The following PLEKHA2 variants were observed in gnomAD, a reference collection of about 807,000 sequenced individuals.
PLEKHA2 encodes the protein pleckstrin homology domain-containing family A member 2.
A neutral mutation model predicts 53.2 loss-of-function variants in PLEKHA2; 28 were observed. That is an observed-to-expected ratio of 0.53 (90% CI 0.39 to 0.72). The LOEUF is 0.72. Ranked by LOEUF, PLEKHA2 falls within the 30% of genes least tolerant of loss-of-function variation. The pLI, the probability that PLEKHA2 is intolerant of heterozygous loss-of-function variation, is 0.00. For synonymous variants in PLEKHA2, 193 were observed against 196.4 expected (o/e 0.98, Z 0.14); for missense variants, 426 against 537.9 (o/e 0.79, Z 2.06).
At chr8:38,964,151 C>T (rs1369730026) in intron 10 of PLEKHA2, among the ~76,000 whole-genome samples, 3 of 152,082 alleles carry the variant, frequency 2.0e-5, no homozygotes, top group Non-Finnish European at 4.4e-5. Context: ...CTGAGGGTTC[C>T]TAAATATTCC....
intron 3 of PLEKHA2, among the ~76,000 whole-genome samples, chr8:38,938,588 G>C (rs540466336): frequency 6.6e-6 from 1 of 152,244 alleles, no homozygotes. Flanking sequence ...ATAAGCGCAA[G>C]TTCCTGAGAG....
chr8:38,919,128 G>T (rs1025810576), intron 2 of PLEKHA2, among the ~76,000 whole-genome samples: 52 of 152,312 alleles, frequency 3.4e-4, no homozygotes, highest in African/African-American at 1.0e-3. Context: ...TGGATTGGAG[G>T]TGCCCTTGGA....
intron 1 of PLEKHA2, among the ~76,000 whole-genome samples, chr8:38,912,006 G>C (rs957494348): frequency 6.6e-6 from 1 of 150,848 alleles, no homozygotes; most frequent in African/African-American, 2.4e-5. Flanking sequence ...TGAAATTTAA[G>C]GTAAGTGATT....
intron 3 of PLEKHA2, among the ~76,000 whole-genome samples, chr8:38,938,386 T>G (rs574629461): frequency 6.6e-6 from 1 of 152,292 alleles, no homozygotes; most frequent in South Asian, 2.1e-4. Flanking sequence ...TGATGCCACC[T>G]TGTGGGGCAA....
chr8:38,928,948 G>T (rs547039170), intron 2 of PLEKHA2, among the ~76,000 whole-genome samples: 103 of 152,274 alleles, frequency 6.8e-4, no homozygotes, highest in Admixed American at 1.4e-3. Context: ...CCCCTGCTTT[G>T]GTTGCTCATG....
At chr8:38,919,728 G>A (rs1416445258) in intron 2 of PLEKHA2, among the ~76,000 whole-genome samples, 2 of 152,222 alleles carry the variant, frequency 1.3e-5, no homozygotes, top group Non-Finnish European at 2.9e-5. Flanking sequence ...CAGAAAGTCA[G>A]CTGCTGCTAA....
intron 1 of PLEKHA2, among the ~76,000 whole-genome samples, chr8:38,915,344 A>G (rs1476728857): frequency 6.6e-6 from 1 of 152,274 alleles, no homozygotes; most frequent in East Asian, 1.9e-4. Context: ...TGGATCGCTT[A>G]AACGGCAGAA....
Position 38,918,108 on chromosome 8 carries a change from G to T in PLEKHA2, c.141+38G>T, listed in dbSNP as rs545528719. 3.6e-5 allele frequency: 57 copies of T among 1,595,230 alleles called. No individual in the cohort carries two copies. In the South Asian group the frequency reaches 6.3e-4, roughly 18 times the overall value. On this transcript the variant is annotated intron_variant, in intron 2 of 11. Transcript: ENST00000617275. ...GTGGGAAGGGGTGGGGCGACTGGGT[G>T]CCCATCACTGCGCCAGAGGAATGCA...
chr8:38,918,819 A>G (rs1235339355), intron 2 of PLEKHA2, among the ~76,000 whole-genome samples: 2 of 152,260 alleles, frequency 1.3e-5, no homozygotes, highest in African/African-American at 4.8e-5. Context: ...CCATCCACAC[A>G]CACACAGAAA....
At chr8:38,968,567 G>A in intron 10 of PLEKHA2, 25 bp from the exon 11 acceptor site, 1 of 1,612,454 alleles carries the variant, frequency 6.2e-7, no homozygotes, top group South Asian at 1.1e-5. Flanking sequence ...AAAATTTCTT[G>A]GTAAGAGCCA....
At chr8:38,909,979 T>C (rs1427120118) in intron 1 of PLEKHA2, among the ~76,000 whole-genome samples, 21 of 148,068 alleles carry the variant, frequency 1.4e-4, no homozygotes, top group Non-Finnish European at 2.7e-4. Context: ...TTTTTTGAGA[T>C]GGAGTCTCAC....
chr8:38,951,651 A>G (rs2129422351), intron 6 of PLEKHA2, among the ~76,000 whole-genome samples: 1 of 151,636 alleles, frequency 6.6e-6, no homozygotes, highest in African/African-American at 2.4e-5. Context: ...GGCATGTGCC[A>G]CCACGCCTGG....
chr8:38,902,104 G>C (rs914006678), intron 1 of PLEKHA2: 2 of 152,168 alleles, frequency 1.3e-5, no homozygotes, highest in Middle Eastern at 3.4e-3. Flanking sequence ...CTCGAGGGGA[G>C]CTGTCGTTCT....
chr8:38,943,516 C>G (rs1834650300), intron 3 of PLEKHA2, among the ~76,000 whole-genome samples: 1 of 151,868 alleles, frequency 6.6e-6, no homozygotes, highest in Non-Finnish European at 1.5e-5. Context: ...AAACATAAGT[C>G]TTTTTGTAAA....
chr8:38,952,044 C>A, intron 6 of PLEKHA2, 122 bp from the exon 7 acceptor site: 3 of 1,269,742 alleles, frequency 2.4e-6, no homozygotes, highest in Non-Finnish European at 3.3e-6. Flanking sequence ...GCCACTGTGC[C>A]CACCATTTAT....
At chr8:38,926,172 T>G (rs1426204711) in intron 2 of PLEKHA2, among the ~76,000 whole-genome samples, 1 of 152,188 alleles carries the variant, frequency 6.6e-6, no homozygotes, top group African/African-American at 2.4e-5. Context: ...ATTCATGGAT[T>G]TTGTGTAATT....
chr8:38,924,007 A>G (rs1834238894), intron 2 of PLEKHA2, among the ~76,000 whole-genome samples: 1 of 152,082 alleles, frequency 6.6e-6, no homozygotes. Context: ...CTGCACCACC[A>G]TGCCCGGCTA....
chr8:38,951,342 C>T (rs999589294), intron 6 of PLEKHA2, among the ~76,000 whole-genome samples: 2 of 152,174 alleles, frequency 1.3e-5, no homozygotes, highest in African/African-American at 2.4e-5. Flanking sequence ...TTCACATTCC[C>T]TATCCTTCCC....
chr8:38,929,631 C>T (rs1276847782), intron 2 of PLEKHA2, among the ~76,000 whole-genome samples: 1 of 152,182 alleles, frequency 6.6e-6, no homozygotes, highest in Non-Finnish European at 1.5e-5. Flanking sequence ...ATTAGGCGAC[C>T]ACATGTGAAG....
Sources: gnomAD v4.1 joint callset for allele counts (sites outside exome capture counted in the v4.1 genomes callset) on GRCh38, gnomAD v4.1.1 for gene constraint, MANE v1.5 for transcripts, NCBI Gene and HGNC (gene_info 2026-07-23, HGNC 2026-07-21) for gene names.